NCKAP5: variants seen among roughly 807,000 people sequenced by gnomAD.
NCKAP5 encodes NCK associated protein 5.
Under a neutral mutation model 167.0 loss-of-function variants are expected in NCKAP5, and 92 were observed. The observed-to-expected ratio is 0.55, with a 90% CI of 0.47 to 0.66. The LOEUF (loss-of-function observed/expected upper bound fraction) is 0.66, where lower values mean the gene tolerates loss of function less well. Ranked by LOEUF, NCKAP5 falls within the 30% of genes least tolerant of loss-of-function variation. The pLI is 0.00. For missense variants in NCKAP5, 2,378 were observed against 2,315.0 expected (o/e 1.03, Z -0.56); for synonymous variants, 891 against 877.4 (o/e 1.02, Z -0.27).
At chr2:132,687,257 A>T (rs1686066998) in intron 19 of NCKAP5, among the ~76,000 whole-genome samples, 1 of 152,202 alleles carries the variant, frequency 6.6e-6, no homozygotes, top group Non-Finnish European at 1.5e-5. Flanking sequence ...GCCTCTGCAG[A>T]TCTTTAGCCT....
chr2:133,245,172 C>T (rs1321813308), intron 4 of NCKAP5, among the ~76,000 whole-genome samples: 1 of 152,052 alleles, frequency 6.6e-6, no homozygotes, highest in Non-Finnish European at 1.5e-5. Context: ...TATGTACAAA[C>T]CTGTTCATAG....
intron 6 of NCKAP5, chr2:133,123,818 G>A (rs1227900185): frequency 2.1e-6 from 1 of 471,084 alleles, no homozygotes. Context: ...CAGAGAAAAT[G>A]TTCTTTTAAT....
chr2:133,476,822 C>A (rs533083474), intron 3 of NCKAP5, among the ~76,000 whole-genome samples: 2 of 152,080 alleles, frequency 1.3e-5, no homozygotes, highest in Non-Finnish European at 2.9e-5. Flanking sequence ...TCTGATTTCC[C>A]GGATCCTCTA....
chr2:133,383,455 A>G (rs191344743), intron 3 of NCKAP5, among the ~76,000 whole-genome samples: 227 of 152,256 alleles, frequency 1.5e-3, no homozygotes, highest in Admixed American at 2.6e-3. Flanking sequence ...TTCTTAATCC[A>G]GTCTATCATT....
At chr2:132,813,193 G>A (rs914832638) in intron 11 of NCKAP5, among the ~76,000 whole-genome samples, 2 of 152,244 alleles carry the variant, frequency 1.3e-5, no homozygotes, top group African/African-American at 4.8e-5. Flanking sequence ...GAGGGGAATG[G>A]TGAGAGAGAT....
At chr2:133,616,603 A>G in the NCKAP5 span, among the ~76,000 whole-genome samples, 1 of 152,154 alleles carries the variant, frequency 6.6e-6, no homozygotes, top group Non-Finnish European at 1.5e-5. Flanking sequence ...CTAAACCAGG[A>G]AGAAGTTGAA....
At chr2:133,287,243 C>A (rs1485853405) in intron 4 of NCKAP5, among the ~76,000 whole-genome samples, 1 of 152,162 alleles carries the variant, frequency 6.6e-6, no homozygotes, top group Non-Finnish European at 1.5e-5. Context: ...GAACCTTGTA[C>A]CATTTTAGTC....
In NCKAP5 at chr2:132,701,887, C is replaced by T. The variant is rs949483906; in HGVS notation, c.5713+23740G>A. 6.6e-5 allele frequency among the ~76,000 whole-genome samples: 10 copies of T among 152,218 alleles called. No homozygotes were observed. In the East Asian group the frequency reaches 1.9e-3, roughly 29 times the overall value. On this transcript the variant is annotated intron_variant, in intron 19 of 19. Transcript: ENST00000409261. ...GACAGCACTGGGTTCCCAGAGGCAA[C>T]CGGATGGAACCTGGAATCTAACCTA... is the stretch of plus-strand genomic sequence containing the variant.
intron 6 of NCKAP5, among the ~76,000 whole-genome samples, chr2:133,123,963 A>G (rs939853354): frequency 1.1e-4 from 17 of 152,190 alleles, no homozygotes; most frequent in Admixed American, 1.0e-3. Flanking sequence ...AGGATTCCAT[A>G]AAGTCTCTGA....
intron 1 of NCKAP5, among the ~76,000 whole-genome samples, chr2:133,563,565 A>T (rs796685137): frequency 0.012 from 364 of 30,766 alleles, 1 homozygote; most frequent in African/African-American, 0.056. Flanking sequence ...AAGACTCCAT[A>T]AAAAAAAAAA....
chr2:133,491,423 A>T (rs1452035186), intron 3 of NCKAP5, among the ~76,000 whole-genome samples: 1 of 152,132 alleles, frequency 6.6e-6, no homozygotes, highest in Non-Finnish European at 1.5e-5. Context: ...TCATGGTAAC[A>T]ATGTTGTGTG....
chr2:133,158,707 A>G (rs2083671382), intron 5 of NCKAP5, among the ~76,000 whole-genome samples: 1 of 152,112 alleles, frequency 6.6e-6, no homozygotes, highest in South Asian at 2.1e-4. Flanking sequence ...GTTTCAATCT[A>G]TCTTATATTC....
chr2:133,219,002 A>C (rs749400408), intron 4 of NCKAP5, among the ~76,000 whole-genome samples: 9 of 152,262 alleles, frequency 5.9e-5, no homozygotes, highest in Non-Finnish European at 1.2e-4. Flanking sequence ...TTTGGCATTC[A>C]ATAAAGAAGG....
chr2:133,131,495 T>C (rs1359855308), intron 5 of NCKAP5, among the ~76,000 whole-genome samples: 1 of 152,230 alleles, frequency 6.6e-6, no homozygotes, highest in Admixed American at 6.5e-5. Context: ...AGATGCCTTA[T>C]GTGCAGATAT....
At chr2:132,721,432 G>A (rs1689918706) in intron 19 of NCKAP5, among the ~76,000 whole-genome samples, 1 of 152,164 alleles carries the variant, frequency 6.6e-6, no homozygotes, top group African/African-American at 2.4e-5. Flanking sequence ...ATTCCATCCT[G>A]CAGGTTGGGG....
At chr2:132,993,689 C>T (rs1412624352) in intron 7 of NCKAP5, among the ~76,000 whole-genome samples, 2 of 152,198 alleles carry the variant, frequency 1.3e-5, no homozygotes, top group Admixed American at 1.3e-4. Flanking sequence ...CACCACTGCA[C>T]TTTACCTAGG....
intron 5 of NCKAP5, among the ~76,000 whole-genome samples, chr2:133,190,468 C>A (rs551673481): frequency 6.6e-6 from 1 of 152,256 alleles, no homozygotes; most frequent in African/African-American, 2.4e-5. Flanking sequence ...CCAAGACAAT[C>A]CTAAGCCAAA....
chr2:133,283,679 C>T (rs895596618), intron 4 of NCKAP5, among the ~76,000 whole-genome samples: 7 of 150,584 alleles, frequency 4.6e-5, no homozygotes, highest in African/African-American at 1.2e-4. Context: ...GGCAGGATCT[C>T]GGCTCACTGC....
chr2:133,606,648 C>G, the NCKAP5 span, among the ~76,000 whole-genome samples: 1 of 149,796 alleles, frequency 6.7e-6, no homozygotes, highest in Non-Finnish European at 1.5e-5. Flanking sequence ...GCCTACACCT[C>G]CAAAATTTTG....
Sources: gnomAD v4.1 joint callset for allele counts (sites outside exome capture counted in the v4.1 genomes callset) on GRCh38, gnomAD v4.1.1 for gene constraint, MANE v1.5 for transcripts, NCBI Gene and HGNC (gene_info 2026-07-23, HGNC 2026-07-21) for gene names.